SYNM: variants seen among roughly 807,000 people sequenced by gnomAD.
SYNM encodes synemin.
SYNM carries 95 observed loss-of-function variants against 104.0 expected under a neutral mutation model. The observed-to-expected ratio is 0.91, with a 90% CI of 0.77 to 1.08. The LOEUF (loss-of-function observed/expected upper bound fraction) is 1.08, where lower values mean the gene tolerates loss of function less well. Ranked by LOEUF, SYNM falls within the 50% of genes least tolerant of loss-of-function variation. The pLI, the probability that SYNM is intolerant of heterozygous loss-of-function variation, is 0.00. For synonymous variants in SYNM, 918 were observed against 869.0 expected, an observed-to-expected ratio of 1.06 and a Z score of -0.99; for missense variants, 2,150 against 2,052.2, an observed-to-expected ratio of 1.05 and a Z score of -0.92.
chr15:99,105,925 C>G lies in SYNM; in HGVS notation c.726C>G (p.Leu242=), dbSNP rs782626403. The part of the protein sequence containing the change: ...QEAEALRREA[L]GLEQLRARLE... ...CAGAGGCGCTGCGGCGCGAGGCGCT[C>G]GGGTTGGAGCAGCTGCGCGCGCGGC... The change falls in exon 1 of 4, where the codon CTC becomes CTG. Residue 242 remains leucine (L), a synonymous_variant. Transcript: ENST00000336292. 7.2e-6 allele frequency: 11 copies of G among 1,529,806 alleles called. No homozygotes were observed. Among genetic ancestry groups the G allele is most frequent in the Non-Finnish European group, 9.6e-6 (11 of 1,143,640 alleles). 94.8% of individuals were successfully genotyped at this position (1,529,806 alleles called of 1,614,324 possible). A position where few individuals can be genotyped will look rare whatever the true frequency, so the allele number is the denominator to read the frequency against.
chr15:99,110,707 A>G (rs113831154), intron 1 of SYNM, among the ~76,000 whole-genome samples: 483 of 152,366 alleles, frequency 3.2e-3, no homozygotes, highest in African/African-American at 0.01. Context: ...TGACAGCAGC[A>G]TGCCTTTCCT....
Position 99,105,708 on chromosome 15 carries a change from C to G in SYNM, c.509C>G (p.Ala170Gly). Residue 170 changes from alanine to glycine, a missense_variant, in exon 1 of 4, where the codon GCC (alanine) becomes GGC (glycine). Physicochemically the swap from Ala to Gly is moderately conservative, Grantham distance 60. Transcript: ENST00000336292. ...CTTACCATGCATTTCCGCGCCCGCG[C>G]CACCGGCCCCGCCGCGCCGCCGCCA... Reference protein sequence around the residue: ...ASLTMHFRARATGPAAPPPRL... With the variant: ...ASLTMHFRARGTGPAAPPPRL... The G allele has an allele frequency of 6.7e-7, 1 of 1,492,194 alleles. No individual in the cohort carries two copies. Among genetic ancestry groups the G allele is most frequent in the Non-Finnish European group, 8.9e-7 (1 of 1,126,186 alleles). The allele number at this position is 1,492,194 out of a possible 1,614,324, so 92.4% of individuals were successfully genotyped here. A position where few individuals can be genotyped will look rare whatever the true frequency, so the allele number is the denominator to read the frequency against.
intron 2 of SYNM, among the ~76,000 whole-genome samples, chr15:99,123,628 G>A (rs1472407983): frequency 6.6e-6 from 1 of 152,234 alleles, no homozygotes; most frequent in African/African-American, 2.4e-5. Context: ...GTCGAGGGAG[G>A]CGGCTCTGCG....
chr15:99,125,401 T>C (rs1555484906), intron 2 of SYNM, among the ~76,000 whole-genome samples: 1 of 152,260 alleles, frequency 6.6e-6, no homozygotes, highest in Non-Finnish European at 1.5e-5. Context: ...GTGTCCTGTT[T>C]CCTGGCCTCT....
chr15:99,130,640 G>A lies in SYNM; in HGVS notation c.2280G>A (p.Lys760=). 1.2e-6 allele frequency: 2 copies of A among 1,613,670 alleles called. No individual in the cohort carries two copies. The highest frequency in any genetic ancestry group is 1.7e-6 in the Non-Finnish European group (2 of 1,179,740). Reference sequence around the variant, plus strand: ...CCGTGAGTTATGTCAGCGGGGAGAAGCCGGAGGAGTTTTCCGTCCCATTCA... The same window carrying A: ...CCGTGAGTTATGTCAGCGGGGAGAAACCGGAGGAGTTTTCCGTCCCATTCA... The part of the protein sequence containing the change: ...EEPVSYVSGE[K]PEEFSVPFKV... Residue 760 remains lysine (K), a synonymous_variant, in exon 4 of 4, where the codon AAG becomes AAA. Coordinates refer to ENST00000336292, the MANE Select transcript of SYNM (RefSeq NM_145728.3).
chr15:99,138,796 G>A (rs1201992002), downstream of SYNM, among the ~76,000 whole-genome samples: 1 of 152,212 alleles, frequency 6.6e-6, no homozygotes, highest in Non-Finnish European at 1.5e-5. Flanking sequence ...GTCTGCTCCG[G>A]GCTGTGGCCC....
intron 2 of SYNM, among the ~76,000 whole-genome samples, chr15:99,122,793 G>A (rs2067413154): frequency 6.6e-6 from 1 of 152,154 alleles, no homozygotes; most frequent in African/African-American, 2.4e-5. Flanking sequence ...GAGCTGAGAT[G>A]GCACCACTGC....
At chr15:99,138,874 C>T (rs2151822370), downstream of SYNM, among the ~76,000 whole-genome samples, 1 of 152,324 alleles carries the variant, frequency 6.6e-6, no homozygotes, top group South Asian at 2.1e-4. Context: ...TGAGGTAGGC[C>T]CTCCACGGCA....
At chr15:99,125,639 C>A (rs920255599) in intron 2 of SYNM, among the ~76,000 whole-genome samples, 8 of 152,246 alleles carry the variant, frequency 5.3e-5, no homozygotes. Context: ...GTCCAAGCTG[C>A]CAAGTCCCTG....
At chr15:99,139,286 G>A, downstream of SYNM, 2 of 941,732 alleles carry the variant, frequency 2.1e-6, no homozygotes, top group Non-Finnish European at 1.4e-6. Context: ...AAGGGAATGA[G>A]ATAGAGAAAG....
At chr15:99,139,478 A>G, downstream of SYNM, 4 of 1,595,372 alleles carry the variant, frequency 2.5e-6, no homozygotes, top group Non-Finnish European at 3.4e-6. Context: ...CTTGAATGAG[A>G]GAAAGATGAC....
rs372437781 is a variant in SYNM, at chr15:99,132,155, C to G, written c.3795C>G (p.Leu1265=). The G allele has an allele frequency of 1.2e-5, 20 of 1,613,816 alleles. No individual in the cohort carries two copies. The highest frequency in any genetic ancestry group is 1.5e-5 in the Non-Finnish European group (18 of 1,179,850). ...SVGTQTSVRQ[L]QLGPKEGFSG... is the part of the protein sequence containing the mutation. Reference sequence around the variant, plus strand: ...GTACCCAGACTTCTGTCAGGCAACTCCAGTTAGGCCCTAAAGAAGGGTTCA... The same window carrying G: ...GTACCCAGACTTCTGTCAGGCAACTGCAGTTAGGCCCTAAAGAAGGGTTCA... Residue 1265 remains leucine, a synonymous_variant, in exon 4 of 4, where the codon CTC becomes CTG. Transcript: ENST00000336292.
At position 99,115,464 on chromosome 15, in the gene SYNM, A is replaced by ATT. The variant is rs2067339355; in HGVS notation, c.935+1750_935+1751dup. On this transcript the variant is annotated intron_variant, in intron 2 of 3. Transcript: ENST00000336292. The stretch of plus-strand genomic sequence containing the variant: ...TTTTAATTTTAATTTTATTTATTTT[A>ATT]TTCTATTTTTTTTTTTTTGAGATGG... Among the ~76,000 whole-genome samples the ATT allele has an allele frequency of 2.0e-5, 2 of 99,784 alleles. 1 individual carries two copies. Among genetic ancestry groups the ATT allele is most frequent in the African/African-American group, 8.4e-5 (2 of 23,936 alleles). The allele number at this position is 99,784 out of a possible 152,430, so 65.5% of individuals were successfully genotyped here. A position where few individuals can be genotyped will look rare whatever the true frequency, so the allele number is the denominator to read the frequency against.
At chr15:99,106,369 A>G (rs572511402) in intron 1 of SYNM, among the ~76,000 whole-genome samples, 21 of 152,226 alleles carry the variant, frequency 1.4e-4, no homozygotes, top group Non-Finnish European at 2.6e-4. Context: ...ACCCAGATCT[A>G]AGAGTCAACC....
intron 3 of SYNM, among the ~76,000 whole-genome samples, chr15:99,128,319 G>A (rs554632213): frequency 9.9e-5 from 15 of 151,428 alleles, no homozygotes; most frequent in Admixed American, 8.5e-4. Context: ...AACCCAGTCT[G>A]TAATCTTCCA....
In SYNM at chr15:99,131,379, C is replaced by T; in HGVS notation, c.3019C>T (p.Gln1007Ter). ...VTLVAEVNVS[Q>*]TVDADRLDLE... ...CCTGGTTGCTGAAGTCAACGTCTCA[C>T]AAACTGTGGATGCCGATCGGTTAGA... Residue 1007 changes from glutamine (Q) to a stop codon, truncating the protein, a stop_gained, in exon 4 of 4, where the codon CAA (glutamine) becomes TAA (stop). Coordinates refer to ENST00000336292, the MANE Select transcript of SYNM (RefSeq NM_145728.3). LOFTEE classifies it high-confidence loss of function. The surrounding 1 kb of genome is among the most constrained non-coding windows in gnomAD (Gnocchi z 4.3). The T allele has an allele frequency of 6.2e-7, 1 of 1,613,142 alleles. No homozygotes were observed. Among genetic ancestry groups the T allele is most frequent in the Non-Finnish European group, 8.5e-7 (1 of 1,179,596 alleles).
At chr15:99,122,325 TTC>T (rs2067408657) in intron 2 of SYNM, among the ~76,000 whole-genome samples, 1 of 152,250 alleles carries the variant, frequency 6.6e-6, no homozygotes, top group African/African-American at 2.4e-5. Context: ...CTAGTGATAT[TTC>T]TGATTGCTCC....
At position 99,129,745 on chromosome 15, in the gene SYNM, G is replaced by A. The variant is rs781892287; in HGVS notation, c.1385G>A (p.Gly462Asp). The change falls in exon 4 of 4, where the codon GGT becomes GAT. Residue 462 changes from glycine to aspartate, a missense_variant. Coordinates refer to ENST00000336292, the MANE Select transcript of SYNM (RefSeq NM_145728.3). Reference protein sequence around the residue: ...GDTREVPVYIGEDSTIARESY... With the variant: ...GDTREVPVYIDEDSTIARESY... ...ACAAGGGAGGTCCCCGTTTACATAG[G>A]TGAAGATTCCACAATTGCCCGCGAG... The A allele has an allele frequency of 1.1e-5, 18 of 1,613,552 alleles. No homozygotes were observed. The South Asian group carries it at 2.0e-4, about 18-fold the overall frequency.
intron 2 of SYNM, among the ~76,000 whole-genome samples, chr15:99,114,075 C>G (rs1555483675): frequency 6.7e-6 from 1 of 149,508 alleles, no homozygotes; most frequent in Non-Finnish European, 1.5e-5. Flanking sequence ...AGTTACAGAA[C>G]TGGAAAGTGG....
Sources: allele counts gnomAD v4.1 joint callset (sites outside exome capture counted in the v4.1 genomes callset), GRCh38; gene constraint gnomAD v4.1.1; non-coding constraint Gnocchi (gnomAD v3.1); transcripts MANE v1.5; gene names NCBI Gene and HGNC (gene_info 2026-07-23, HGNC 2026-07-21).